The following CEP290 variants were observed in gnomAD, a reference collection of about 807,000 sequenced individuals.
The protein encoded by CEP290 is centrosomal protein of 290 kDa.
A neutral mutation model predicts 344.9 loss-of-function variants in CEP290; 317 were observed. The ratio of observed to expected loss-of-function variants is 0.92; its 90% confidence interval spans 0.84 to 1.01. The LOEUF (loss-of-function observed/expected upper bound fraction) is 1.01, where lower values mean the gene tolerates loss of function less well. Among genes scored for constraint, CEP290 ranks in the 50% least tolerant of loss-of-function variants. The pLI is 0.00. For synonymous variants in CEP290, 932 were observed against 895.8 expected, an observed-to-expected ratio of 1.04 and a Z score of -0.72; for missense variants, 2,754 against 2,761.4, an observed-to-expected ratio of 1.00 and a Z score of 0.06.
chr12:88,089,459 G>A lies in CEP290; in HGVS notation c.3602C>T (p.Ala1201Val), dbSNP rs2036850433. 2 of 1,560,662 alleles carry A rather than the reference G, an allele frequency of 1.3e-6. No individual in the cohort carries two copies. The highest frequency in any genetic ancestry group is 2.3e-5 in the East Asian group (1 of 43,318). Reference sequence around the variant, plus strand: ...AGAGACATTATGTTGGTGCAACTTGGCAATGAGCGACTTTTCATCAGACTG... The same window carrying A: ...AGAGACATTATGTTGGTGCAACTTGACAATGAGCGACTTTTCATCAGACTG... ...QAQSDEKSLI[A>V]KLHQHNVSLQ... The change falls in exon 31 of 54, where the codon GCC (alanine) becomes GTC (valine). Residue 1201 changes from alanine (A) to valine (V), a missense_variant. Transcript: ENST00000552810.
At chr12:88,112,036 C>T (rs150880104) in intron 20 of CEP290, among the ~76,000 whole-genome samples, 178 bp from the exon 21 acceptor site, 2 of 152,242 alleles carry the variant, frequency 1.3e-5, no homozygotes, top group African/African-American at 4.8e-5. Context: ...CTTTCATTTA[C>T]ATTACCAAGC....
chr12:88,081,249 C>T (rs918458349), intron 37 of CEP290, among the ~76,000 whole-genome samples: 1 of 151,996 alleles, frequency 6.6e-6, no homozygotes, highest in Non-Finnish European at 1.5e-5. Context: ...AAAAACTGAT[C>T]CTCTATATTT....
At chr12:88,098,034 C>T (rs969450185) in intron 26 of CEP290, among the ~76,000 whole-genome samples, 4 of 152,070 alleles carry the variant, frequency 2.6e-5, no homozygotes, top group Admixed American at 6.6e-5. Flanking sequence ...TGGCCGATTA[C>T]GGTGGCTCAC....
chr12:88,076,617 T>G (rs74403660), intron 41 of CEP290, among the ~76,000 whole-genome samples: 1,733 of 34,018 alleles, frequency 0.051, 11 homozygotes, highest in Non-Finnish European at 0.12. Flanking sequence ...TAGTTTTTTT[T>G]GGGGTTATTT....
rs1189055838 is a variant in CEP290, at chr12:88,107,106, CA to C, written c.2484-9del. On this transcript the variant is annotated splice_polypyrimidine_tract_variant and intron_variant, in intron 23 of 53. Coordinates refer to ENST00000552810, the MANE Select transcript of CEP290 (RefSeq NM_025114.4). ...TTCCAGGTCTCCTTTTCACTAAAAA[CA>C]AAACAAAACAAAAAGACAATACTGT... 2.1e-6 allele frequency: 3 copies of C among 1,423,290 alleles called. No homozygotes were observed. The highest frequency in any genetic ancestry group is 2.8e-6 in the Non-Finnish European group (3 of 1,055,416). 88.2% of individuals were successfully genotyped at this position (1,423,290 alleles called of 1,614,324 possible).
chr12:88,084,547 C>G, intron 35 of CEP290, 39 bp downstream of exon 35: 1 of 1,497,796 alleles, frequency 6.7e-7, no homozygotes, highest in South Asian at 1.2e-5. Context: ...CTTAAAAAAA[C>G]TAATGGATAA....
At chr12:88,131,547 G>A (rs571956536) in intron 6 of CEP290, among the ~76,000 whole-genome samples, 64 of 152,092 alleles carry the variant, frequency 4.2e-4, no homozygotes, top group Non-Finnish European at 7.6e-4. Flanking sequence ...TCAGACATGA[G>A]CCACTGTGCC....
intron 27 of CEP290, among the ~76,000 whole-genome samples, chr12:88,095,256 G>A (rs1030390763): frequency 6.6e-6 from 1 of 152,044 alleles, no homozygotes; most frequent in Non-Finnish European, 1.5e-5. Flanking sequence ...ATGTTTTTGG[G>A]TTTGGAGTTT....
intron 20 of CEP290, among the ~76,000 whole-genome samples, chr12:88,112,248 C>G (rs2038740346): frequency 6.6e-6 from 1 of 152,036 alleles, no homozygotes; most frequent in Non-Finnish European, 1.5e-5. Flanking sequence ...GCTCTGCTCC[C>G]TACATGGGGT....
At chr12:88,124,534 A>AATATAT (rs1302069906) in intron 13 of CEP290, among the ~76,000 whole-genome samples, 1 of 151,638 alleles carries the variant, frequency 6.6e-6, no homozygotes, top group African/African-American at 2.4e-5. Flanking sequence ...CATATATACA[A>AATATAT]ATATATATAT....
chr12:88,130,846 A>T (rs1425099434), intron 7 of CEP290, among the ~76,000 whole-genome samples: 1 of 152,046 alleles, frequency 6.6e-6, no homozygotes, highest in African/African-American at 2.4e-5. Context: ...AGTAACAAAA[A>T]ATTTTAAAGG....
chr12:88,091,676 T>TA (rs538455809), intron 29 of CEP290, among the ~76,000 whole-genome samples: 299 of 151,732 alleles, frequency 2.0e-3, no homozygotes, highest in Middle Eastern at 3.4e-3. Context: ...TCAATTTTTT[T>TA]AAAAAAAAGG....
chr12:88,126,012 AT>A (rs1178497200), intron 12 of CEP290, among the ~76,000 whole-genome samples: 1 of 152,086 alleles, frequency 6.6e-6, no homozygotes, highest in Non-Finnish European at 1.5e-5. Context: ...ATTATTTTAA[AT>A]TTCTAAAAGT....
At chr12:88,104,858 A>T (rs1421396993) in intron 25 of CEP290, among the ~76,000 whole-genome samples, 1 of 152,144 alleles carries the variant, frequency 6.6e-6, no homozygotes. Flanking sequence ...TGTTAATAAT[A>T]AAGGTTTTCT....
intron 33 of CEP290, 108 bp downstream of exon 33, chr12:88,086,283 A>T (rs1173363519): frequency 7.7e-6 from 11 of 1,433,350 alleles, no homozygotes; most frequent in Middle Eastern, 2.2e-4. Context: ...TATATTTTAA[A>T]TATACAATAT....
intron 49 of CEP290, among the ~76,000 whole-genome samples, chr12:88,056,930 A>T (rs966900629): frequency 6.6e-6 from 1 of 152,078 alleles, no homozygotes; most frequent in Admixed American, 6.5e-5. Context: ...GAGGTCAAGG[A>T]TCAAAACGAG....
intron 41 of CEP290, among the ~76,000 whole-genome samples, chr12:88,074,181 C>T (rs546133642): frequency 9.2e-5 from 14 of 152,044 alleles, no homozygotes; most frequent in Middle Eastern, 3.4e-3. Context: ...GCTGAGATTG[C>T]GCCATTGCAC....
rs1213838066 is a variant in CEP290 at position 88,116,968 on chromosome 12, C to T, written c.1824+65G>A. 17 of 796,688 alleles carry T rather than the reference C, an allele frequency of 2.1e-5. No individual in the cohort carries two copies. In the South Asian group the frequency reaches 2.5e-4, roughly 12 times the overall value. The allele number at this position is 796,688 out of a possible 1,614,324, so 49.4% of individuals were successfully genotyped here. The stretch of plus-strand genomic sequence containing the variant: ...CAGCCTGGGAGACAGAGCGAGACTC[C>T]GTCTCAAAAAAAAAAAAAAAAAAAA... On this transcript the variant is annotated intron_variant, in intron 18 of 53. Coordinates refer to ENST00000552810, the MANE Select transcript of CEP290 (RefSeq NM_025114.4).
At chr12:88,133,073 T>G (rs938349015) in intron 6 of CEP290, among the ~76,000 whole-genome samples, 7 of 119,312 alleles carry the variant, frequency 5.9e-5, no homozygotes, top group Admixed American at 4.2e-4. Context: ...CTTGTTCCGG[T>G]TTTTTTTTTT....
Sources: gnomAD v4.1 joint callset for allele counts (sites outside exome capture counted in the v4.1 genomes callset) on GRCh38, gnomAD v4.1.1 for gene constraint, MANE v1.5 for transcripts, NCBI Gene and HGNC (gene_info 2026-07-23, HGNC 2026-07-21) for gene names.